Variants in GLMN observed in about 807,000 individuals in gnomAD.
The protein encoded by GLMN is glomulin, FKBP associated protein.
A neutral mutation model predicts 87.8 loss-of-function variants in GLMN; 75 were observed. The observed-to-expected ratio is 0.85, with a 90% CI of 0.71 to 1.04. GLMN has a LOEUF of 1.04. GLMN is among the 50% of genes least tolerant of loss of function. The pLI is 0.00. For missense variants in GLMN, 588 were observed against 658.8 expected (o/e 0.89, Z 1.18); for synonymous variants, 206 against 221.6 (o/e 0.93, Z 0.63).
At chr1:92,298,460 G>A (rs1000723795) in intron 1 of GLMN, among the ~76,000 whole-genome samples, 1 of 152,096 alleles carries the variant, frequency 6.6e-6, no homozygotes, top group Non-Finnish European at 1.5e-5. Context: ...TAATCATCAG[G>A]GGATTTTTCA....
the GLMN span, among the ~76,000 whole-genome samples, chr1:92,328,024 C>T: frequency 6.6e-6 from 1 of 152,214 alleles, no homozygotes; most frequent in Non-Finnish European, 1.5e-5. Context: ...GAGAAATCTG[C>T]TGTTAATCTG....
In GLMN at chr1:92,266,336, A is replaced by G. The variant is rs1235752998; in HGVS notation, c.1214+83T>C. 4.7e-5 allele frequency: 37 copies of G among 780,054 alleles called. No homozygotes were observed. The Admixed American group carries it at 6.5e-4, about 14-fold the overall frequency. 48.3% of individuals were successfully genotyped at this position (780,054 alleles called of 1,614,324 possible). On this transcript the variant is annotated intron_variant, in intron 13 of 18. Transcript: ENST00000370360. ...AATTACATGTAAAACATACCGACATACTATGCCCTAAAACAATTACATGGC... is the reference window on the plus strand; with the variant it reads ...AATTACATGTAAAACATACCGACATGCTATGCCCTAAAACAATTACATGGC...
chr1:92,291,582 G>C (rs763127803), intron 3 of GLMN, 45 bp from the exon 4 acceptor site: 5 of 1,596,820 alleles, frequency 3.1e-6, no homozygotes, highest in Non-Finnish European at 4.3e-6. Flanking sequence ...CCATCTATAG[G>C]ACTCTCGCAG....
chr1:92,280,353 T>TC (rs1259848846), intron 7 of GLMN, among the ~76,000 whole-genome samples: 1 of 152,006 alleles, frequency 6.6e-6, no homozygotes, highest in Non-Finnish European at 1.5e-5. Flanking sequence ...TCTAGCAAAC[T>TC]CCAACATACC....
At chr1:92,290,671 G>A (rs1002228109) in intron 4 of GLMN, among the ~76,000 whole-genome samples, 1 of 152,076 alleles carries the variant, frequency 6.6e-6, no homozygotes, top group Admixed American at 6.6e-5. Flanking sequence ...TGTATTTTTT[G>A]AACAGGTAAA....
At chr1:92,329,895 T>G in the GLMN span, among the ~76,000 whole-genome samples, 1 of 152,194 alleles carries the variant, frequency 6.6e-6, no homozygotes, top group East Asian at 1.9e-4. Flanking sequence ...ACAAATTAAG[T>G]AATCTGAGGA....
intron 7 of GLMN, among the ~76,000 whole-genome samples, chr1:92,276,319 A>C (rs1056380601): frequency 6.6e-6 from 1 of 152,020 alleles, no homozygotes; most frequent in Non-Finnish European, 1.5e-5. Flanking sequence ...TTAAAAACCT[A>C]TTCTCTCTCT....
chr1:92,358,369 C>T, the GLMN span, among the ~76,000 whole-genome samples: 1 of 152,230 alleles, frequency 6.6e-6, no homozygotes, highest in East Asian at 1.9e-4. Context: ...TGGTTAATTC[C>T]TCTTCATCTT....
chr1:92,354,612 A>G, the GLMN span, among the ~76,000 whole-genome samples: 3 of 152,182 alleles, frequency 2.0e-5, no homozygotes, highest in African/African-American at 7.2e-5. Context: ...GCAAACATTA[A>G]CAGGACATAA....
At chr1:92,295,667 G>A (rs1299259921) in intron 3 of GLMN, among the ~76,000 whole-genome samples, 1 of 152,162 alleles carries the variant, frequency 6.6e-6, no homozygotes, top group African/African-American at 2.4e-5. Flanking sequence ...CAGAGGTAGA[G>A]CAGAGTGGTT....
At chr1:92,295,938 G>A (rs753104274) in intron 3 of GLMN, among the ~76,000 whole-genome samples, 28 of 151,894 alleles carry the variant, frequency 1.8e-4, no homozygotes, top group Non-Finnish European at 2.8e-4. Flanking sequence ...TCCTGAGAAC[G>A]CAATTAGAAA....
intron 16 of GLMN, among the ~76,000 whole-genome samples, chr1:92,249,425 A>G (rs1397743794): frequency 5.3e-5 from 8 of 152,124 alleles, no homozygotes. Context: ...GCCACACAGT[A>G]TAACAAGCAT....
At chr1:92,304,254 CT>C in the GLMN span, 1 of 1,368,388 alleles carries the variant, frequency 7.3e-7, no homozygotes, top group Admixed American at 1.9e-5. Context: ...TATTTGGATT[CT>C]TTTGTAAGCT....
At chr1:92,264,970 T>G (rs1419971458) in intron 13 of GLMN, among the ~76,000 whole-genome samples, 2 of 152,008 alleles carry the variant, frequency 1.3e-5, no homozygotes, top group African/African-American at 4.8e-5. Context: ...GCCTCCTGAG[T>G]AGCTGTGATT....
Position 92,264,539 on chromosome 1 carries a change from T to G in GLMN, c.1299+15A>C, listed in dbSNP as rs776751210. ...CGAAATAAATTGGTAATTGACACTT[T>G]GGCTATGTTCTTACCTTTAATGACA... On this transcript the variant is annotated intron_variant, in intron 14 of 18. Transcript: ENST00000370360. The G allele has an allele frequency of 2.5e-5, 32 of 1,255,650 alleles. 1 individual carries two copies. Among genetic ancestry groups the G allele is most frequent in the Admixed American group, 3.4e-5 (2 of 59,520 alleles). 77.8% of individuals were successfully genotyped at this position (1,255,650 alleles called of 1,614,324 possible). A position where few individuals can be genotyped will look rare whatever the true frequency, so the allele number is the denominator to read the frequency against.
intron 7 of GLMN, among the ~76,000 whole-genome samples, chr1:92,274,674 A>G (rs1240552647): frequency 6.6e-6 from 1 of 152,202 alleles, no homozygotes; most frequent in Non-Finnish European, 1.5e-5. Flanking sequence ...CAATTTCTAA[A>G]TTCTAGTGAC....
the GLMN span, among the ~76,000 whole-genome samples, chr1:92,367,062 A>G: frequency 1.3e-5 from 2 of 152,208 alleles, no homozygotes; most frequent in African/African-American, 4.8e-5. Context: ...TAAGCAAATA[A>G]ACAAGATACC....
the GLMN span, among the ~76,000 whole-genome samples, chr1:92,326,369 G>C: frequency 4.6e-5 from 7 of 152,296 alleles, no homozygotes; most frequent in South Asian, 6.2e-4. Context: ...AGATGGCAGG[G>C]GGGTGAAATG....
the GLMN span, chr1:92,336,499 C>A: frequency 9.6e-7 from 1 of 1,038,102 alleles, no homozygotes; most frequent in Non-Finnish European, 1.5e-6. Context: ...AATCCAAAGG[C>A]ACAGAGAAAG....
Sources: gnomAD v4.1 joint callset for allele counts (sites outside exome capture counted in the v4.1 genomes callset) on GRCh38, gnomAD v4.1.1 for gene constraint, MANE v1.5 for transcripts, NCBI Gene and HGNC (gene_info 2026-07-23, HGNC 2026-07-21) for gene names.